The following PIAS1 variants were observed in gnomAD, a reference collection of about 807,000 sequenced individuals.
PIAS1 encodes the protein protein inhibitor of activated STAT 1.
Under a neutral mutation model 71.3 loss-of-function variants are expected in PIAS1, and 6 were observed. The ratio of observed to expected loss-of-function variants is 0.08; its 90% CI spans 0.05 to 0.17. The LOEUF (loss-of-function observed/expected upper bound fraction) is 0.17. Ranked by LOEUF, PIAS1 falls within the 10% of genes least tolerant of loss-of-function variation. The pLI, the probability that PIAS1 is intolerant of heterozygous loss-of-function variation, is 1.00. For synonymous variants in PIAS1, 303 were observed against 292.9 expected, an observed-to-expected ratio of 1.03 and a Z score of -0.35; for missense variants, 555 against 793.6, an observed-to-expected ratio of 0.70 and a Z score of 3.61.
intron 1 of PIAS1, among the ~76,000 whole-genome samples, chr15:68,080,479 A>G (rs901473505): frequency 6.6e-6 from 1 of 152,192 alleles, no homozygotes; most frequent in African/African-American, 2.4e-5. Flanking sequence ...GGGTGAAACA[A>G]GATTATGGAG....
intron 6 of PIAS1, among the ~76,000 whole-genome samples, chr15:68,151,176 G>T (rs766057445): frequency 6.6e-6 from 1 of 151,912 alleles, no homozygotes; most frequent in African/African-American, 2.4e-5. Context: ...TTAAGCTTTG[G>T]TGGGGTTTTT....
chr15:68,067,201 G>A (rs1490873469), intron 1 of PIAS1, among the ~76,000 whole-genome samples: 1 of 152,170 alleles, frequency 6.6e-6, no homozygotes, highest in African/African-American at 2.4e-5. Flanking sequence ...TGGTAGGGAA[G>A]TTGTCTCATG....
At chr15:68,116,112 T>G (rs1213122243) in intron 2 of PIAS1, among the ~76,000 whole-genome samples, 2 of 152,026 alleles carry the variant, frequency 1.3e-5, no homozygotes, top group Non-Finnish European at 2.9e-5. Flanking sequence ...TTGTGTAGAA[T>G]CAATATTTTT....
chr15:68,089,067 C>G (rs1042011118), intron 2 of PIAS1, among the ~76,000 whole-genome samples: 1 of 152,056 alleles, frequency 6.6e-6, no homozygotes, highest in African/African-American at 2.4e-5. Context: ...TTCATTTTTT[C>G]CCTTCCATTG....
At chr15:68,116,104 G>C (rs983818546) in intron 2 of PIAS1, among the ~76,000 whole-genome samples, 1 of 151,380 alleles carries the variant, frequency 6.6e-6, no homozygotes, top group African/African-American at 2.4e-5. Flanking sequence ...GGAAGAGTTT[G>C]TGTAGAATCA....
At chr15:68,165,355 A>G (rs563474540) in intron 8 of PIAS1, among the ~76,000 whole-genome samples, 1 of 152,282 alleles carries the variant, frequency 6.6e-6, no homozygotes, top group South Asian at 2.1e-4. Flanking sequence ...TCCTGACCTC[A>G]GGTGATCCAC....
At position 68,178,116 on chromosome 15, in the gene PIAS1, A is replaced by G. The variant is rs2093031369; in HGVS notation, c.1481+1462A>G. On this transcript the variant is annotated intron_variant, in intron 11 of 13. Transcript: ENST00000249636. This position sits in a 1 kb window ranked among gnomAD's most constrained non-coding sequence, Gnocchi z 4.2. The stretch of plus-strand genomic sequence containing the variant: ...ACATGGTAAAACCCTGTCTCTACCA[A>G]AAAATTAGCTGGGTATGGCACTGTG... Among the ~76,000 whole-genome samples the G allele has an allele frequency of 1.3e-5, 2 of 152,212 alleles. No homozygotes were observed. The highest frequency in any genetic ancestry group is 1.5e-5 in the Non-Finnish European group (1 of 68,044).
intron 2 of PIAS1, among the ~76,000 whole-genome samples, chr15:68,126,839 T>G (rs1295036594): frequency 1.3e-5 from 2 of 152,178 alleles, no homozygotes; most frequent in East Asian, 3.8e-4. Context: ...ACCTTTTTTT[T>G]TTTTGGTCAT....
At position 68,120,038 on chromosome 15, in the gene PIAS1, G is replaced by A. The variant is rs562976791; in HGVS notation, c.470-21908G>A. Among the ~76,000 whole-genome samples the A allele has an allele frequency of 2.6e-5, 4 of 152,288 alleles. No individual in the cohort carries two copies. The South Asian group carries it at 8.3e-4, about 32-fold the overall frequency. On this transcript the variant is annotated intron_variant, in intron 2 of 13. Coordinates refer to ENST00000249636, the MANE Select transcript of PIAS1 (RefSeq NM_016166.3). ...GCCCAGGCTGGATTCAGACTCCTGG[G>A]CTGAAGCGATCCTTCTGCCTCAGTG...
intron 4 of PIAS1, among the ~76,000 whole-genome samples, chr15:68,144,623 G>T (rs886938661): frequency 6.6e-6 from 1 of 152,094 alleles, no homozygotes; most frequent in African/African-American, 2.4e-5. Context: ...TTTAACTATT[G>T]CAGCCTAAAG....
chr15:68,193,807 A>G lies in PIAS1; in HGVS notation c.*5972A>G, dbSNP rs2093130936. The G allele has an allele frequency of 5.8e-6, 3 of 520,950 alleles. No individual in the cohort carries two copies. Among genetic ancestry groups the G allele is most frequent in the Non-Finnish European group, 1.0e-5 (3 of 292,302 alleles). 32.3% of individuals were successfully genotyped at this position (520,950 alleles called of 1,614,324 possible). On this transcript the variant is annotated 3_prime_UTR_variant, in exon 14 of 14. Coordinates refer to ENST00000249636, the MANE Select transcript of PIAS1 (RefSeq NM_016166.3). ...AAGGGCCGGACTCACGGTAGTTAATAAAATCAATACAAATCTTTTATTAAA... is the reference window on the plus strand; with the variant it reads ...AAGGGCCGGACTCACGGTAGTTAATGAAATCAATACAAATCTTTTATTAAA...
intron 2 of PIAS1, among the ~76,000 whole-genome samples, chr15:68,120,078 G>A (rs1447257011): frequency 6.6e-6 from 1 of 152,202 alleles, no homozygotes; most frequent in African/African-American, 2.4e-5. Context: ...GAGTAGGTGG[G>A]ACTACAGGCC....
chr15:68,116,423 A>G (rs993106394), intron 2 of PIAS1, among the ~76,000 whole-genome samples: 23 of 152,112 alleles, frequency 1.5e-4, no homozygotes, highest in African/African-American at 4.3e-4. Flanking sequence ...TAGAATATGT[A>G]GTGATATAAC....
intron 6 of PIAS1, among the ~76,000 whole-genome samples, chr15:68,150,300 C>G (rs2092836065): frequency 6.6e-6 from 1 of 151,930 alleles, no homozygotes; most frequent in Admixed American, 6.6e-5. Flanking sequence ...AATATGGCCG[C>G]TGATAAAAAG....
chr15:68,157,596 T>C (rs1238149215), intron 7 of PIAS1, among the ~76,000 whole-genome samples: 1 of 152,238 alleles, frequency 6.6e-6, no homozygotes, highest in East Asian at 1.9e-4. Flanking sequence ...GCATTTGATA[T>C]GAACCACTTT....
Position 68,187,557 on chromosome 15 carries a change from T to C in PIAS1, c.1678T>C (p.Leu560=). ...SGDNQHYNTS[L]LAAAAAAVSD... ...CCCTCCCTAGCATTACAACACCTCC[T>C]TGCTTGCCGCTGCAGCAGCAGCAGT... Residue 560 remains leucine, a synonymous_variant, in exon 14 of 14, where the codon TTG becomes CTG. Transcript: ENST00000249636. The surrounding 1 kb of genome is among the most constrained non-coding windows in gnomAD (Gnocchi z 5.3). 6 of 1,613,746 alleles carry C rather than the reference T, an allele frequency of 3.7e-6. No individual in the cohort carries two copies. The highest frequency in any genetic ancestry group is 5.1e-6 in the Non-Finnish European group (6 of 1,179,654).
intron 7 of PIAS1, among the ~76,000 whole-genome samples, chr15:68,158,240 G>A (rs1389003084): frequency 6.6e-6 from 1 of 152,030 alleles, no homozygotes; most frequent in Non-Finnish European, 1.5e-5. Flanking sequence ...CCATGACGTG[G>A]CACCTGCTTA....
At chr15:68,153,751 G>A in intron 7 of PIAS1, 56 bp downstream of exon 7, 1 of 909,692 alleles carries the variant, frequency 1.1e-6, no homozygotes, top group Non-Finnish European at 1.8e-6. Context: ...GGTTAGAGTA[G>A]TATTTTCTCA....
chr15:68,115,477 CATAGGTCATATTTTCTATGAATA>C (rs753103507), intron 2 of PIAS1, among the ~76,000 whole-genome samples: 1 of 152,048 alleles, frequency 6.6e-6, no homozygotes, highest in Non-Finnish European at 1.5e-5. Flanking sequence ...GAATTTTCTA[CATAGGTCATATTTTCTATGAATA>C]GACAGTTTTA....
Sources: gnomAD v4.1 joint callset for allele counts (sites outside exome capture counted in the v4.1 genomes callset) on GRCh38, gnomAD v4.1.1 for gene constraint, Gnocchi (gnomAD v3.1) non-coding constraint, MANE v1.5 for transcripts, NCBI Gene and HGNC (gene_info 2026-07-23, HGNC 2026-07-21) for gene names.